The following KCNMB4 variants were observed in gnomAD, a reference collection of about 807,000 sequenced individuals.
KCNMB4 encodes calcium-activated potassium channel subunit beta-4.
KCNMB4 carries 3 observed loss-of-function variants against 20.7 expected under a neutral mutation model. The ratio of observed to expected loss-of-function variants is 0.14; its 90% CI spans 0.07 to 0.37. KCNMB4 has a LOEUF of 0.37. KCNMB4 is among the 10% of genes least tolerant of loss of function. KCNMB4 has a pLI of 1.00. For synonymous variants in KCNMB4, 110 were observed against 113.4 expected, an observed-to-expected ratio of 0.97 and a Z score of 0.19; for missense variants, 168 against 265.9, an observed-to-expected ratio of 0.63 and a Z score of 2.56.
intron 1 of KCNMB4, among the ~76,000 whole-genome samples, chr12:70,398,414 C>T (rs189571203): frequency 2.0e-5 from 3 of 152,146 alleles, no homozygotes; most frequent in Admixed American, 6.5e-5. Context: ...CTAATGGTCT[C>T]CATTGCTTCC....
In KCNMB4 at chr12:70,381,896, T is replaced by C. The variant is rs1487731774; in HGVS notation, c.336+14826T>C. 2.0e-5 allele frequency among the ~76,000 whole-genome samples: 3 copies of C among 152,198 alleles called. No individual in the cohort carries two copies. In the East Asian group the frequency reaches 5.8e-4, roughly 29 times the overall value. On this transcript the variant is annotated intron_variant, in intron 1 of 2. Coordinates refer to ENST00000258111, the MANE Select transcript of KCNMB4 (RefSeq NM_014505.6). ...GGTATGTGAATTATATTTCAATAAATCTCTTGCCCAAAAAATAATAATGAA... is the reference window on the plus strand; with the variant it reads ...GGTATGTGAATTATATTTCAATAAACCTCTTGCCCAAAAAATAATAATGAA...
In KCNMB4 at chr12:70,367,065, C is replaced by A; in HGVS notation, c.331C>A (p.Pro111Thr). ...HSDEHQLLTN[P>T]KCSYIPPCKR... ...CGACGAGCACCAGCTCCTGACCAAC[C>A]CCAAGGTAAGAACGCCCCGCGCACC... is the stretch of plus-strand genomic sequence containing the variant. The change falls in exon 1 of 3, where the codon CCC becomes ACC. Residue 111 changes from proline to threonine, a missense_variant. Pro to Thr is a conservative substitution (Grantham distance 38, BLOSUM62 -1). Coordinates refer to ENST00000258111, the MANE Select transcript of KCNMB4 (RefSeq NM_014505.6). 1 of 1,518,362 alleles carries A rather than the reference C, an allele frequency of 6.6e-7. No homozygotes were observed. The highest frequency in any genetic ancestry group is 8.9e-7 in the Non-Finnish European group (1 of 1,128,400). 94.1% of individuals were successfully genotyped at this position (1,518,362 alleles called of 1,614,324 possible). A position where few individuals can be genotyped will look rare whatever the true frequency, so the allele number is the denominator to read the frequency against.
At chr12:70,428,021 A>AT (rs1295553485) in intron 2 of KCNMB4, among the ~76,000 whole-genome samples, 24 of 150,860 alleles carry the variant, frequency 1.6e-4, no homozygotes, top group East Asian at 7.8e-4. Context: ...CATCAAAACC[A>AT]TTTTTTTTTC....
chr12:70,425,927 T>C (rs1869200456), intron 2 of KCNMB4, among the ~76,000 whole-genome samples: 1 of 152,070 alleles, frequency 6.6e-6, no homozygotes, highest in Admixed American at 6.5e-5. Flanking sequence ...TTGCTTAAGC[T>C]CAAGAGTTCA....
intron 1 of KCNMB4, among the ~76,000 whole-genome samples, chr12:70,380,267 C>G (rs1883760202): frequency 6.6e-6 from 1 of 152,170 alleles, no homozygotes; most frequent in Non-Finnish European, 1.5e-5. Flanking sequence ...AGAACACTCA[C>G]ACATTCATTG....
intron 1 of KCNMB4, among the ~76,000 whole-genome samples, chr12:70,371,647 C>T (rs1883597766): frequency 6.6e-6 from 1 of 152,086 alleles, no homozygotes; most frequent in Non-Finnish European, 1.5e-5. Flanking sequence ...TTGGTATATA[C>T]ATAAAATTCA....
At chr12:70,375,454 G>A (rs928116723) in intron 1 of KCNMB4, among the ~76,000 whole-genome samples, 2 of 147,954 alleles carry the variant, frequency 1.4e-5, no homozygotes, top group African/African-American at 5.1e-5. Context: ...GGGCAACATA[G>A]CCAAGACCAC....
At chr12:70,397,028 A>G (rs1868359768) in intron 1 of KCNMB4, among the ~76,000 whole-genome samples, 1 of 152,226 alleles carries the variant, frequency 6.6e-6, no homozygotes, top group South Asian at 2.1e-4. Context: ...AAATGGAGCC[A>G]TAATGATTTT....
intron 2 of KCNMB4, among the ~76,000 whole-genome samples, chr12:70,409,531 A>G (rs1334947533): frequency 6.6e-6 from 1 of 152,236 alleles, no homozygotes; most frequent in Non-Finnish European, 1.5e-5. Flanking sequence ...AAACAACAAG[A>G]AAACAACAAC....
chr12:70,422,423 G>A (rs926164017), intron 2 of KCNMB4, among the ~76,000 whole-genome samples: 3 of 152,220 alleles, frequency 2.0e-5, no homozygotes, highest in African/African-American at 4.8e-5. Flanking sequence ...CCTCTCTGGT[G>A]TGGAGATAAC....
intron 2 of KCNMB4, chr12:70,422,559 C>T (rs1399338309): frequency 2.1e-6 from 1 of 466,336 alleles, no homozygotes; most frequent in South Asian, 2.0e-5. Context: ...TGAAAATTCT[C>T]TTTCTGTTGT....
At chr12:70,421,880 CTT>C (rs34594277) in intron 2 of KCNMB4, among the ~76,000 whole-genome samples, 194 of 136,772 alleles carry the variant, frequency 1.4e-3, no homozygotes, top group Middle Eastern at 3.9e-3. Flanking sequence ...CATGCCTGGC[CTT>C]TTTTTTTTTT....
intron 2 of KCNMB4, among the ~76,000 whole-genome samples, chr12:70,424,328 G>C (rs546490072): frequency 6.6e-6 from 1 of 151,994 alleles, no homozygotes; most frequent in South Asian, 2.1e-4. Context: ...ACCAATGCTG[G>C]AGTTCTGAGT....
In KCNMB4 at chr12:70,433,324, T is replaced by C. The variant is rs1333980410; in HGVS notation, c.*2671T>C. The C allele has an allele frequency of 6.6e-6, 1 of 152,180 alleles. No individual in the cohort carries two copies. Among genetic ancestry groups the C allele is most frequent in the African/African-American group, 2.4e-5 (1 of 41,448 alleles). The allele number at this position is 152,180 out of a possible 1,614,324, so 9.4% of individuals were successfully genotyped here. A position where few individuals can be genotyped will look rare whatever the true frequency, so the allele number is the denominator to read the frequency against. On this transcript the variant is annotated 3_prime_UTR_variant, in exon 3 of 3. Coordinates refer to ENST00000258111, the MANE Select transcript of KCNMB4 (RefSeq NM_014505.6). ...TTTTTCTCACATAGCAATCCAGAAGTGGCTTCATTTCACAAGGTATTCAAG... is the reference window on the plus strand; with the variant it reads ...TTTTTCTCACATAGCAATCCAGAAGCGGCTTCATTTCACAAGGTATTCAAG...
intron 1 of KCNMB4, among the ~76,000 whole-genome samples, chr12:70,384,873 CAA>C (rs57306622): frequency 0.19 from 14,072 of 74,042 alleles, 391 homozygotes; most frequent in East Asian, 0.34. Context: ...GACCCTGTCT[CAA>C]AAAAAAAAAA....
intron 1 of KCNMB4, among the ~76,000 whole-genome samples, chr12:70,390,969 G>A (rs895716290): frequency 6.6e-6 from 1 of 152,050 alleles, no homozygotes; most frequent in African/African-American, 2.4e-5. Context: ...GCTACATGTC[G>A]GCATGTTCTG....
chr12:70,422,836 A>T (rs1869102795), intron 2 of KCNMB4: 1 of 1,245,340 alleles, frequency 8.0e-7, no homozygotes. Flanking sequence ...GATAAAAAAT[A>T]ATTACCACAC....
At chr12:70,367,164 C>A in intron 1 of KCNMB4, 94 bp downstream of exon 1, 1 of 996,624 alleles carries the variant, frequency 1.0e-6, no homozygotes, top group Non-Finnish European at 1.4e-6. Context: ...TCGGCGTGTG[C>A]TCGCATTGCT....
rs1008011788 is a variant in KCNMB4, at chr12:70,379,537, C to T, written c.336+12467C>T. ...GCTCAAGCCATCCTCCCACCTCAGC[C>T]TCCCAAGTAGCTAGGACTACAGGTG... On this transcript the variant is annotated intron_variant, in intron 1 of 2. Coordinates refer to ENST00000258111, the MANE Select transcript of KCNMB4 (RefSeq NM_014505.6). Among the ~76,000 whole-genome samples, 3 of 152,158 alleles carry T rather than the reference C, an allele frequency of 2.0e-5. No homozygotes were observed. The South Asian group carries it at 6.2e-4, about 31-fold the overall frequency.
Sources: gnomAD v4.1 joint callset for allele counts (sites outside exome capture counted in the v4.1 genomes callset) on GRCh38, gnomAD v4.1.1 for gene constraint, MANE v1.5 for transcripts, NCBI Gene and HGNC (gene_info 2026-07-23, HGNC 2026-07-21) for gene names.